The following PAPSS1 variants were observed in gnomAD, a reference collection of about 807,000 sequenced individuals.
PAPSS1 encodes bifunctional 3'-phosphoadenosine 5'-phosphosulfate synthase 1.
Under a neutral mutation model 72.0 loss-of-function variants are expected in PAPSS1, and 50 were observed. That is an observed-to-expected ratio of 0.69 (90% CI 0.55 to 0.88). The LOEUF (loss-of-function observed/expected upper bound fraction) is 0.88. Among genes scored for constraint, PAPSS1 ranks in the 40% least tolerant of loss-of-function variants. The pLI is 0.00. For missense variants in PAPSS1, 657 were observed against 782.2 expected, an observed-to-expected ratio of 0.84 and a Z score of 1.91; for synonymous variants, 261 against 263.6, an observed-to-expected ratio of 0.99 and a Z score of 0.09.
chr4:107,653,425 G>A (rs1726909200), intron 9 of PAPSS1, 66 bp downstream of exon 9: 2 of 1,496,294 alleles, frequency 1.3e-6, no homozygotes, highest in South Asian at 1.3e-5. Flanking sequence ...CGTAAGCACT[G>A]GAAAAAATCG....
intron 10 of PAPSS1, among the ~76,000 whole-genome samples, chr4:107,641,612 C>T (rs945463710): frequency 1.3e-5 from 2 of 152,184 alleles, no homozygotes; most frequent in Admixed American, 6.5e-5. Flanking sequence ...GGTAACCTAA[C>T]GCATGCATGC....
chr4:107,633,722 A>G (rs2110303829), intron 10 of PAPSS1, among the ~76,000 whole-genome samples: 1 of 152,092 alleles, frequency 6.6e-6, no homozygotes, highest in Admixed American at 6.6e-5. Context: ...GATTGAGACC[A>G]TCCTGGCTAA....
chr4:107,653,760 A>C, intron 8 of PAPSS1, 134 bp from the exon 9 acceptor site: 1 of 564,244 alleles, frequency 1.8e-6, no homozygotes, highest in Non-Finnish European at 2.8e-6. Flanking sequence ...TATCAACTAA[A>C]TTGACATTAG....
At chr4:107,656,179 G>T (rs960716909) in intron 7 of PAPSS1, among the ~76,000 whole-genome samples, 1 of 152,100 alleles carries the variant, frequency 6.6e-6, no homozygotes, top group African/African-American at 2.4e-5. Context: ...GTGGTGCCAT[G>T]ATCTTGGCTC....
intron 9 of PAPSS1, among the ~76,000 whole-genome samples, chr4:107,646,756 T>C (rs775940143): frequency 2.0e-5 from 3 of 152,128 alleles, no homozygotes; most frequent in Non-Finnish European, 2.9e-5. Flanking sequence ...CCCTAGGTAC[T>C]AGTGATTTAC....
At chr4:107,692,202 TTAAAC>T (rs1363959913) in intron 3 of PAPSS1, among the ~76,000 whole-genome samples, 2 of 152,068 alleles carry the variant, frequency 1.3e-5, no homozygotes, top group Admixed American at 1.3e-4. Context: ...TGGGATCTAA[TTAAAC>T]TAAAGAGCTT....
At chr4:107,700,580 T>C (rs1723179860) in intron 2 of PAPSS1, among the ~76,000 whole-genome samples, 1 of 152,222 alleles carries the variant, frequency 6.6e-6, no homozygotes, top group Non-Finnish European at 1.5e-5. Context: ...TGCAACAGTG[T>C]TGAATGATGC....
intron 1 of PAPSS1, among the ~76,000 whole-genome samples, chr4:107,707,671 C>G (rs916518235): frequency 4.6e-5 from 7 of 152,154 alleles, no homozygotes; most frequent in African/African-American, 1.7e-4. Context: ...ACTGTTCTTT[C>G]TACTCTCTTC....
chr4:107,640,863 G>C (rs891139944), intron 10 of PAPSS1, among the ~76,000 whole-genome samples: 1 of 152,196 alleles, frequency 6.6e-6, no homozygotes, highest in Non-Finnish European at 1.5e-5. Context: ...ACTCCAGACA[G>C]AGATGTAGAG....
At position 107,644,769 on chromosome 4, in the gene PAPSS1, A is replaced by G. The variant is rs371893998; in HGVS notation, c.1506+33T>C. 6.4e-6 allele frequency: 10 copies of G among 1,573,652 alleles called. No individual in the cohort carries two copies. In the African/African-American group the frequency reaches 1.2e-4, roughly 19 times the overall value. ...CTGTGTTAGTAAGAGTGGCTTTAAC[A>G]CTGCTGCAGTGAAAATCTTACAAGC... On this transcript the variant is annotated intron_variant, in intron 10 of 11. Transcript: ENST00000265174.
chr4:107,715,616 A>G (rs1446549286), intron 1 of PAPSS1, among the ~76,000 whole-genome samples: 1 of 152,240 alleles, frequency 6.6e-6, no homozygotes, highest in East Asian at 1.9e-4. Context: ...GGTAAAAGGG[A>G]AAATTATTTC....
chr4:107,647,007 A>T (rs1726713584), intron 9 of PAPSS1, among the ~76,000 whole-genome samples: 1 of 152,136 alleles, frequency 6.6e-6, no homozygotes, highest in African/African-American at 2.4e-5. Context: ...TCTGTCTTCA[A>T]ATAGGTCTTC....
chr4:107,698,585 A>G (rs1374263641), intron 2 of PAPSS1, among the ~76,000 whole-genome samples: 1 of 152,174 alleles, frequency 6.6e-6, no homozygotes, highest in Non-Finnish European at 1.5e-5. Context: ...AAATGAAGGG[A>G]GTAACTATTG....
Position 107,634,447 on chromosome 4 carries a change from T to C in PAPSS1, c.1507-2587A>G, listed in dbSNP as rs527508002. 4.7e-4 allele frequency among the ~76,000 whole-genome samples: 71 copies of C among 152,356 alleles called. 2 individuals carry two copies. The highest frequency in any genetic ancestry group is 4.6e-3 in the Admixed American group (70 of 15,304). ...TCCAATTCTGTGCATCTGAGGTTCA[T>C]GCAAGACATTTTTAGGAAGTAATAT... On this transcript the variant is annotated intron_variant, in intron 10 of 11. Coordinates refer to ENST00000265174, the MANE Select transcript of PAPSS1 (RefSeq NM_005443.5).
At chr4:107,678,351 A>G (rs17510664) in intron 5 of PAPSS1, among the ~76,000 whole-genome samples, 36,832 of 152,130 alleles carry the variant, frequency 0.24, 5,075 homozygotes, top group Middle Eastern at 0.35. Context: ...AAGGGTAGAC[A>G]ATGCATTGAA....
chr4:107,650,565 G>A (rs902733863), intron 9 of PAPSS1, among the ~76,000 whole-genome samples: 2 of 152,186 alleles, frequency 1.3e-5, no homozygotes, highest in South Asian at 2.1e-4. Flanking sequence ...CATGGTCACA[G>A]CAAGTCCTCC....
intron 5 of PAPSS1, among the ~76,000 whole-genome samples, chr4:107,669,490 A>C (rs1727415586): frequency 6.6e-6 from 1 of 152,240 alleles, no homozygotes; most frequent in Admixed American, 6.5e-5. Flanking sequence ...AACAGTGGTG[A>C]AGACCAAAAA....
intron 5 of PAPSS1, among the ~76,000 whole-genome samples, chr4:107,668,147 T>C (rs1013159817): frequency 2.1e-5 from 3 of 142,092 alleles, no homozygotes; most frequent in Non-Finnish European, 4.4e-5. Flanking sequence ...AGTAGAAACA[T>C]TGAGTGTGTA....
At chr4:107,624,638 T>C (rs922185587) in intron 11 of PAPSS1, among the ~76,000 whole-genome samples, 1 of 152,224 alleles carries the variant, frequency 6.6e-6, no homozygotes, top group Non-Finnish European at 1.5e-5. Context: ...AGTTATACTA[T>C]ACCTAATTAT....
Sources: gnomAD v4.1 joint callset for allele counts (sites outside exome capture counted in the v4.1 genomes callset) on GRCh38, gnomAD v4.1.1 for gene constraint, MANE v1.5 for transcripts, NCBI Gene and HGNC (gene_info 2026-07-23, HGNC 2026-07-21) for gene names.